Variants in ITPKB observed in about 807,000 individuals in gnomAD.
ITPKB encodes inositol-trisphosphate 3-kinase B.
A neutral mutation model predicts 69.4 loss-of-function variants in ITPKB; 13 were observed. The observed-to-expected ratio is 0.19, with a 90% CI of 0.12 to 0.30. The LOEUF (loss-of-function observed/expected upper bound fraction) is 0.30, where lower values mean the gene tolerates loss of function less well. Among genes scored for constraint, ITPKB ranks in the 10% least tolerant of loss-of-function variants. ITPKB has a pLI of 1.00. For missense variants in ITPKB, 1,240 were observed against 1,250.5 expected, an observed-to-expected ratio of 0.99 and a Z score of 0.13; for synonymous variants, 584 against 513.7, an observed-to-expected ratio of 1.14 and a Z score of -1.85.
rs1015304111 is a variant in ITPKB at position 226,738,824 on chromosome 1, A to T, written c.-206+217T>A. 1.3e-5 allele frequency among the ~76,000 whole-genome samples: 2 copies of T among 152,160 alleles called. No individual in the cohort carries two copies. The highest frequency in any genetic ancestry group is 4.8e-5 in the African/African-American group (2 of 41,426). On this transcript the variant is annotated intron_variant, in intron 1 of 7. Coordinates refer to ENST00000429204, the MANE Select transcript of ITPKB (RefSeq NM_002221.4). The surrounding 1 kb of genome is among the most constrained non-coding windows in gnomAD (Gnocchi z 4.2). ...GGCGGCGCGGAGTGAGCGGCCCGGA[A>T]GGCGGGTAGGAGAAATGCGGAGACC...
intron 2 of ITPKB, among the ~76,000 whole-genome samples, chr1:226,722,799 T>C (rs1299748325): frequency 1.3e-5 from 2 of 152,082 alleles, no homozygotes; most frequent in African/African-American, 4.8e-5. Flanking sequence ...AGGGGCAACG[T>C]CTCAAAACTG....
chr1:226,687,044 C>T (rs1384392143), intron 2 of ITPKB, among the ~76,000 whole-genome samples: 2 of 152,374 alleles, frequency 1.3e-5, no homozygotes, highest in East Asian at 1.9e-4. Context: ...CAGGGACTAA[C>T]GTCCTGCCTC....
chr1:226,668,766 T>C (rs1045535386), intron 2 of ITPKB: 1 of 152,222 alleles, frequency 6.6e-6, no homozygotes, highest in Non-Finnish European at 1.5e-5. Context: ...TGAGGGAAGA[T>C]AGACCAACAA....
chr1:226,697,865 T>C (rs1411740888), intron 2 of ITPKB, among the ~76,000 whole-genome samples: 1 of 152,132 alleles, frequency 6.6e-6, no homozygotes, highest in African/African-American at 2.4e-5. Context: ...ATCTGGGTGA[T>C]AAGGGGTCCC....
intron 6 of ITPKB, among the ~76,000 whole-genome samples, chr1:226,639,218 C>T (rs771882495): frequency 3.9e-5 from 6 of 152,106 alleles, no homozygotes; most frequent in Middle Eastern, 3.2e-3. Context: ...CCACCATGTC[C>T]GGCTAATTTT....
chr1:226,673,813 T>C (rs957934392), intron 2 of ITPKB, among the ~76,000 whole-genome samples: 1 of 152,250 alleles, frequency 6.6e-6, no homozygotes, highest in Non-Finnish European at 1.5e-5. Context: ...AGTTTTTCTA[T>C]CTGTACTGTT....
rs1474589101 is a variant in ITPKB at position 226,737,336 on chromosome 1, C to A, written c.123G>T (p.Val41=). 3.1e-6 allele frequency: 5 copies of A among 1,600,946 alleles called. No homozygotes were observed. The African/African-American group carries it at 6.7e-5, about 21-fold the overall frequency. Reference sequence around the variant, plus strand: ...GGCTGAAAACGCTGCCGGGGCTCAGCACTGCCCTCCTCGGGGGCGGGGGCG... The same window carrying A: ...GGCTGAAAACGCTGCCGGGGCTCAGAACTGCCCTCCTCGGGGGCGGGGGCG... ...SETPPPPRRA[V]LSPGSVFSPG... Residue 41 remains valine (V), a synonymous_variant, in exon 2 of 8, where the codon GTG becomes GTT. Transcript: ENST00000429204.
intron 2 of ITPKB, among the ~76,000 whole-genome samples, chr1:226,721,653 G>A (rs1365560177): frequency 4.7e-5 from 7 of 147,386 alleles, no homozygotes; most frequent in Admixed American, 2.7e-4. Flanking sequence ...ACGCCACCAC[G>A]CCTGGCTAAT....
chr1:226,667,936 C>A lies in ITPKB; in HGVS notation c.1933-19165G>T, dbSNP rs932335978. On this transcript the variant is annotated intron_variant, in intron 2 of 7. Coordinates refer to ENST00000429204, the MANE Select transcript of ITPKB (RefSeq NM_002221.4). Reference sequence around the variant, plus strand: ...AAGCCTAGAAGCAAAAAAGCACCAACAGCACAGCCAACAGCACAGCCAACA... The same window carrying A: ...AAGCCTAGAAGCAAAAAAGCACCAAAAGCACAGCCAACAGCACAGCCAACA... Among the ~76,000 whole-genome samples the A allele has an allele frequency of 4.0e-5, 6 of 151,248 alleles. No individual in the cohort carries two copies. In the East Asian group the frequency reaches 5.8e-4, roughly 15 times the overall value.
chr1:226,638,677 A>G (rs1668888944), intron 6 of ITPKB, among the ~76,000 whole-genome samples: 1 of 152,154 alleles, frequency 6.6e-6, no homozygotes, highest in African/African-American at 2.4e-5. Flanking sequence ...GAACTTTGTC[A>G]TGAACTTGTA....
At chr1:226,661,261 G>GCC (rs1669398379) in intron 2 of ITPKB, among the ~76,000 whole-genome samples, 1 of 152,218 alleles carries the variant, frequency 6.6e-6, no homozygotes. Flanking sequence ...TAGCATGCGA[G>GCC]CTGTTCTAGT....
chr1:226,660,319 C>T (rs1669377851), intron 2 of ITPKB, among the ~76,000 whole-genome samples: 1 of 152,228 alleles, frequency 6.6e-6, no homozygotes, highest in Non-Finnish European at 1.5e-5. Flanking sequence ...TCCTTAGCGA[C>T]TCTTTCAGGT....
intron 2 of ITPKB, among the ~76,000 whole-genome samples, chr1:226,713,534 G>C (rs1460726523): frequency 6.6e-6 from 1 of 152,206 alleles, no homozygotes; most frequent in Non-Finnish European, 1.5e-5. Context: ...CCTCACCCCA[G>C]GGCCAGGGCC....
Position 226,708,905 on chromosome 1 carries a change from G to A in ITPKB, c.1932+26622C>T, listed in dbSNP as rs188077063. Among the ~76,000 whole-genome samples, 9 of 152,338 alleles carry A rather than the reference G, an allele frequency of 5.9e-5. No individual in the cohort carries two copies. The East Asian group carries it at 1.7e-3, about 29-fold the overall frequency. ...AGGCCTGGCAGGCCATGCTGCCCTA[G>A]GCCAGTATTCTGCCAGGCCCCTCAC... On this transcript the variant is annotated intron_variant, in intron 2 of 7. Transcript: ENST00000429204.
At chr1:226,677,257 G>A (rs697847) in intron 2 of ITPKB, among the ~76,000 whole-genome samples, 24,426 of 152,208 alleles carry the variant, frequency 0.16, 2,064 homozygotes, top group African/African-American at 0.18. Flanking sequence ...GAAGAACAGA[G>A]CTGGGACAGC....
At chr1:226,734,303 G>C (rs1366302730) in intron 2 of ITPKB, among the ~76,000 whole-genome samples, 1 of 152,238 alleles carries the variant, frequency 6.6e-6, no homozygotes, top group Non-Finnish European at 1.5e-5. Context: ...GAAAAGGAAT[G>C]CCTGGTCTTC....
At chr1:226,713,137 C>A (rs951222326) in intron 2 of ITPKB, among the ~76,000 whole-genome samples, 1 of 152,174 alleles carries the variant, frequency 6.6e-6, no homozygotes, top group African/African-American at 2.4e-5. Flanking sequence ...CACACTCATG[C>A]TCCGCTAAGA....
At chr1:226,658,805 C>T (rs1641024639) in intron 2 of ITPKB, among the ~76,000 whole-genome samples, 2 of 152,076 alleles carry the variant, frequency 1.3e-5, no homozygotes, top group Admixed American at 6.5e-5. Context: ...TGAAGTCCCT[C>T]CTTCAGAAGC....
intron 2 of ITPKB, among the ~76,000 whole-genome samples, chr1:226,665,604 C>T (rs1669483609): frequency 6.6e-6 from 1 of 152,282 alleles, no homozygotes; most frequent in East Asian, 1.9e-4. Flanking sequence ...ACAGATCACA[C>T]AAAAGCTACC....
Sources: allele counts gnomAD v4.1 joint callset (sites outside exome capture counted in the v4.1 genomes callset), GRCh38; gene constraint gnomAD v4.1.1; non-coding constraint Gnocchi (gnomAD v3.1); transcripts MANE v1.5; gene names NCBI Gene and HGNC (gene_info 2026-07-23, HGNC 2026-07-21).